POLRMT: variants seen among roughly 807,000 people sequenced by gnomAD.
POLRMT encodes the protein RNA polymerase mitochondrial, also known as DNA-directed RNA polymerase, mitochondrial.
Under a neutral mutation model 132.2 loss-of-function variants are expected in POLRMT, and 114 were observed. The observed-to-expected ratio is 0.86, with a 90% CI of 0.74 to 1.01. The LOEUF is 1.01. POLRMT is among the 50% of genes least tolerant of loss of function. The pLI, the probability that POLRMT is intolerant of heterozygous loss-of-function variation, is 0.00. For synonymous variants in POLRMT, 1,020 were observed against 773.4 expected (o/e 1.32, Z -5.29); for missense variants, 2,003 against 1,729.1 (o/e 1.16, Z -2.81).
In POLRMT at chr19:617,844, C is replaced by T. The variant is rs755990734; in HGVS notation, c.3428G>A (p.Gly1143Asp). Residue 1143 changes from glycine to aspartate, a missense_variant, in exon 18 of 21, where the codon GGC (glycine) becomes GAC (aspartate). By Grantham distance (94) the Gly-to-Asp change is moderately conservative. Coordinates refer to ENST00000588649, the MANE Select transcript of POLRMT (RefSeq NM_005035.4). ...GTCGTGCACAGAGACGAAGGTCAGG[C>T]CCTTCCTGTGGCAGAGCGGAGGACT... ...MLTALHCYRK[G>D]LTFVSVHDCY... The T allele has an allele frequency of 1.9e-6, 3 of 1,613,060 alleles. No homozygotes were observed. Among genetic ancestry groups the T allele is most frequent in the Non-Finnish European group, 2.5e-6 (3 of 1,179,908 alleles).
chr19:625,904 T>C (rs1026155520), intron 3 of POLRMT, among the ~76,000 whole-genome samples: 23 of 152,032 alleles, frequency 1.5e-4, no homozygotes, highest in Non-Finnish European at 7.4e-5. Context: ...GGTTTCACCA[T>C]GCTGGCCAGG....
chr19:621,476 G>C lies in POLRMT; in HGVS notation c.2222C>G (p.Pro741Arg), dbSNP rs868174764. 1.0e-5 allele frequency: 14 copies of C among 1,368,370 alleles called. No homozygotes were observed. In the African/African-American group the frequency reaches 2.0e-4, roughly 20 times the overall value. 84.8% of individuals were successfully genotyped at this position (1,368,370 alleles called of 1,614,324 possible). Residue 741 changes from proline to arginine, a missense_variant, in exon 10 of 21, where the codon CCG becomes CGG. By Grantham distance (103) the Pro-to-Arg change is moderately radical. Coordinates refer to ENST00000588649, the MANE Select transcript of POLRMT (RefSeq NM_005035.4). Reference protein sequence around the residue: ...VPAPPSEAPQPPEAHLPHSAA... With the variant: ...VPAPPSEAPQRPEAHLPHSAA... ...GCTGTGCGGCAGGTGGGCCTCGGGC[G>C]GCTGGGGCGCCTCGGAGGGCGGGGC...
intron 15 of POLRMT, 71 bp downstream of exon 15, chr19:618,926 G>GC: frequency 7.2e-7 from 1 of 1,385,440 alleles, no homozygotes. Context: ...GTACGCTGGG[G>GC]CACTGGTACA....
chr19:629,899 C>A lies in POLRMT; in HGVS notation c.463G>T (p.Ala155Ser), dbSNP rs1309757166. The change falls in exon 3 of 21, where the codon GCG becomes TCG. Residue 155 changes from alanine (A) to serine (S), a missense_variant. Transcript: ENST00000588649. The part of the protein sequence containing the change: ...QMPFQSGEFK[A>S]LTRRLQVEPR... ...TCCACCTGCAGGCGCCTGGTCAGCGCCTTGAACTCCCCGCTCTGGAATGGC... is the reference window on the plus strand; with the variant it reads ...TCCACCTGCAGGCGCCTGGTCAGCGACTTGAACTCCCCGCTCTGGAATGGC... The A allele has an allele frequency of 6.2e-7, 1 of 1,613,238 alleles. No individual in the cohort carries two copies. Among genetic ancestry groups the A allele is most frequent in the Non-Finnish European group, 8.5e-7 (1 of 1,179,898 alleles).
At chr19:619,183 G>A (rs1337566628) in intron 14 of POLRMT, 27 bp downstream of exon 14, 3 of 1,610,088 alleles carry the variant, frequency 1.9e-6, no homozygotes, top group Non-Finnish European at 1.7e-6. Context: ...GGGAGTCCTG[G>A]CCGAGCGGGG....
intron 14 of POLRMT, 27 bp from the exon 15 acceptor site, chr19:619,137 A>G (rs1568375395): frequency 6.2e-7 from 1 of 1,610,494 alleles, no homozygotes; most frequent in East Asian, 2.2e-5. Context: ...GTCTCAGGGC[A>G]GGGGGCTCAG....
chr19:622,451 G>A (rs934539846), intron 8 of POLRMT, 78 bp from the exon 9 acceptor site: 39 of 1,463,034 alleles, frequency 2.7e-5, no homozygotes, highest in Non-Finnish European at 3.4e-5. Flanking sequence ...CTGACGCCCG[G>A]TGGGGCATCT....
At chr19:627,651 G>A (rs1009727127) in intron 3 of POLRMT, among the ~76,000 whole-genome samples, 8 of 151,814 alleles carry the variant, frequency 5.3e-5, no homozygotes, top group Non-Finnish European at 1.0e-4. Context: ...GTGGCCGGGC[G>A]CGGTCGCTCA....
rs1422707881 is a variant in POLRMT at position 633,432 on chromosome 19, G to T, written c.81C>A (p.Gly27=). The change falls in exon 1 of 21, where the codon GGC becomes GGA. Residue 27 remains glycine (G), a synonymous_variant. Transcript: ENST00000588649. ...LRPCGRPGLP[G]KEGTAGGVCG... is the part of the protein sequence containing the mutation. Reference sequence around the variant, plus strand: ...CGTCTCCCTTTGTGTTACCTTCTTTGCCGGGGAGTCCCGGGCGGCCGCAAG... The same window carrying T: ...CGTCTCCCTTTGTGTTACCTTCTTTTCCGGGGAGTCCCGGGCGGCCGCAAG... The T allele has an allele frequency of 6.5e-7, 1 of 1,549,966 alleles. No individual in the cohort carries two copies. The highest frequency in any genetic ancestry group is 8.7e-7 in the Non-Finnish European group (1 of 1,147,502).
chr19:618,073 C>T (rs773560842), intron 17 of POLRMT: 29 of 582,414 alleles, frequency 5.0e-5, no homozygotes, highest in East Asian at 8.5e-5. Context: ...CCACCCCTGC[C>T]GCCCCCCACG....
intron 2 of POLRMT, 54 bp downstream of exon 2, chr19:632,780 C>T (rs959366773): frequency 2.6e-5 from 37 of 1,434,714 alleles, no homozygotes; most frequent in Non-Finnish European, 3.0e-5. Flanking sequence ...CCTTTTCTCC[C>T]GGCAGCAGGG....
intron 9 of POLRMT, 103 bp from the exon 10 acceptor site, chr19:621,949 A>C (rs1273083709): frequency 1.7e-5 from 24 of 1,391,450 alleles, no homozygotes; most frequent in Non-Finnish European, 1.9e-5. Context: ...GCCAACAAGA[A>C]ACCAGTGTGG....
At position 617,561 on chromosome 19, in the gene POLRMT, G is replaced by C. The variant is rs1048277693; in HGVS notation, c.3581+9C>G. The C allele has an allele frequency of 1.4e-5, 22 of 1,611,184 alleles. No individual in the cohort carries two copies. In the Admixed American group the frequency reaches 2.0e-4, roughly 15 times the overall value. On this transcript the variant is annotated intron_variant, in intron 19 of 20. Transcript: ENST00000588649. ...GAATCCAGGTAGTTGGGGTCAGGGA[G>C]CGCCTTACTCAGAGCAGAACCGCTT...
At chr19:620,606 C>T (rs932500609) in intron 10 of POLRMT, 119 bp from the exon 11 acceptor site, 3 of 1,280,274 alleles carry the variant, frequency 2.3e-6, no homozygotes, top group East Asian at 5.3e-5. Flanking sequence ...ATAGTGAACA[C>T]GGGACGCATG....
At chr19:618,232 G>A (rs1600553041) in intron 17 of POLRMT, 2 of 549,828 alleles carry the variant, frequency 3.6e-6, no homozygotes, top group East Asian at 3.0e-5. Flanking sequence ...ACACATCGCG[G>A]TGCCAAGAAA....
intron 4 of POLRMT, 67 bp downstream of exon 4, chr19:625,057 C>T: frequency 6.4e-7 from 1 of 1,551,136 alleles, no homozygotes; most frequent in Non-Finnish European, 8.7e-7. Flanking sequence ...AGCCCAGGCA[C>T]CGTCCCAGAT....
At chr19:628,478 T>C (rs1374440083) in intron 3 of POLRMT, among the ~76,000 whole-genome samples, 2 of 152,232 alleles carry the variant, frequency 1.3e-5, no homozygotes, top group Non-Finnish European at 2.9e-5. Flanking sequence ...AATTTCGCTG[T>C]TTGATGCGTT....
intron 5 of POLRMT, among the ~76,000 whole-genome samples, chr19:624,032 A>G (rs539312337): frequency 1.2e-4 from 18 of 152,376 alleles, no homozygotes; most frequent in Admixed American, 2.6e-4. Context: ...AAGCTTGTAC[A>G]CAAACGTTCA....
At position 633,498 on chromosome 19, in the gene POLRMT, G is replaced by A. The variant is rs757328350; in HGVS notation, c.15C>T (p.Cys5=). ...TGAGCCCCGCCGCTCCGCGGCCCCA[G>A]CAAAGTGCCGACATTACGCACGCCG... The part of the protein sequence containing the change: MSAL[C]WGRGAAGLKR... The change falls in exon 1 of 21, where the codon TGC becomes TGT. Residue 5 remains cysteine, a synonymous_variant. Transcript: ENST00000588649. 6.7e-6 allele frequency: 9 copies of A among 1,347,468 alleles called. No individual in the cohort carries two copies. In the African/African-American group the frequency reaches 7.7e-5, roughly 12 times the overall value. The allele number at this position is 1,347,468 out of a possible 1,614,324, so 83.5% of individuals were successfully genotyped here. A position where few individuals can be genotyped will look rare whatever the true frequency, so the allele number is the denominator to read the frequency against.
Sources: allele counts gnomAD v4.1 joint callset (sites outside exome capture counted in the v4.1 genomes callset), GRCh38; gene constraint gnomAD v4.1.1; transcripts MANE v1.5; gene names NCBI Gene and HGNC (gene_info 2026-07-23, HGNC 2026-07-21).